The following SMIM36 variants were observed in gnomAD, a reference collection of about 807,000 sequenced individuals.
SMIM36 encodes the protein small integral membrane protein 36.
chr17:55,459,490 C>T (rs528608476), intron 4 of SMIM36, among the ~76,000 whole-genome samples: 65 of 152,184 alleles, frequency 4.3e-4, no homozygotes, highest in Non-Finnish European at 6.9e-4. Flanking sequence ...CTATCCTTGC[C>T]TCAGGGAAGT....
intron 4 of SMIM36, among the ~76,000 whole-genome samples, chr17:55,463,769 C>T (rs1287358802): frequency 1.3e-5 from 2 of 151,678 alleles, no homozygotes; most frequent in African/African-American, 4.8e-5. Context: ...TTTTTTCTCC[C>T]CAAAGTAGGT....
intron 1 of SMIM36, among the ~76,000 whole-genome samples, chr17:55,486,405 G>C (rs1414006927): frequency 2.0e-5 from 3 of 152,142 alleles, no homozygotes; most frequent in Admixed American, 6.6e-5. Flanking sequence ...ACCTTGGCAT[G>C]TTCCTCTCTC....
upstream of SMIM36, among the ~76,000 whole-genome samples, chr17:55,513,474 C>G (rs1011282556): frequency 2.0e-5 from 3 of 152,226 alleles, no homozygotes; most frequent in Non-Finnish European, 2.9e-5. Context: ...TGGAAAGTTT[C>G]TGGTAAGCAC....
chr17:55,509,380 C>T (rs2036670), intron 1 of SMIM36, among the ~76,000 whole-genome samples: 50,841 of 152,138 alleles, frequency 0.33, 10,065 homozygotes, highest in Non-Finnish European at 0.44. Flanking sequence ...TTCCAACATA[C>T]TTTGGTTCTT....
At chr17:55,495,067 T>C (rs144041632) in intron 1 of SMIM36, among the ~76,000 whole-genome samples, 90 of 152,336 alleles carry the variant, frequency 5.9e-4, no homozygotes, top group Non-Finnish European at 1.1e-3. Context: ...TGTGCATTGA[T>C]TGTATCCTTC....
At chr17:55,459,867 T>C (rs1029446667) in intron 4 of SMIM36, among the ~76,000 whole-genome samples, 3 of 151,990 alleles carry the variant, frequency 2.0e-5, no homozygotes, top group African/African-American at 4.8e-5. Context: ...CATGGTGGCA[T>C]GTGCCTATAA....
intron 1 of SMIM36, among the ~76,000 whole-genome samples, chr17:55,486,929 C>G (rs1339262277): frequency 6.6e-6 from 1 of 152,148 alleles, no homozygotes; most frequent in Admixed American, 6.5e-5. Context: ...GATGAATGAA[C>G]TCATTCATTT....
At chr17:55,464,297 G>C (rs1391280517) in intron 4 of SMIM36, among the ~76,000 whole-genome samples, 1 of 152,110 alleles carries the variant, frequency 6.6e-6, no homozygotes, top group East Asian at 1.9e-4. Flanking sequence ...GCCATGTGAT[G>C]GACAGTTAAT....
chr17:55,500,003 G>A (rs1489620439), intron 1 of SMIM36, among the ~76,000 whole-genome samples: 1 of 152,038 alleles, frequency 6.6e-6, no homozygotes, highest in Non-Finnish European at 1.5e-5. Flanking sequence ...CTCAGTTCCT[G>A]GGTTGTTGTT....
intron 4 of SMIM36, among the ~76,000 whole-genome samples, chr17:55,463,756 T>C (rs1047146169): frequency 4.7e-5 from 7 of 150,424 alleles, no homozygotes; most frequent in Admixed American, 4.0e-4. Flanking sequence ...GTAATCTGTG[T>C]TTTTTTTTCT....
chr17:55,530,438 G>A, the SMIM36 span, among the ~76,000 whole-genome samples: 4 of 152,180 alleles, frequency 2.6e-5, no homozygotes, highest in Non-Finnish European at 5.9e-5. Context: ...ACTGGGATGG[G>A]AATCTAAGAG....
intron 1 of SMIM36, among the ~76,000 whole-genome samples, chr17:55,489,652 T>C (rs746238234): frequency 2.0e-5 from 3 of 152,190 alleles, no homozygotes; most frequent in Admixed American, 6.5e-5. Flanking sequence ...CATCTTCCCA[T>C]GGCAGTTCAT....
intron 4 of SMIM36, among the ~76,000 whole-genome samples, chr17:55,462,665 G>T (rs776656509): frequency 1.3e-5 from 2 of 152,090 alleles, no homozygotes; most frequent in Non-Finnish European, 2.9e-5. Flanking sequence ...GGCATGCAGC[G>T]TTGTCATGAG....
chr17:55,521,230 A>C, the SMIM36 span, among the ~76,000 whole-genome samples: 1 of 152,260 alleles, frequency 6.6e-6, no homozygotes, highest in Non-Finnish European at 1.5e-5. Flanking sequence ...GTCTTAAATA[A>C]GGAAAACAAA....
chr17:55,497,226 A>C (rs1258290878), intron 1 of SMIM36, among the ~76,000 whole-genome samples: 2 of 152,018 alleles, frequency 1.3e-5, no homozygotes, highest in South Asian at 2.1e-4. Flanking sequence ...TTTTCTACTA[A>C]GGATTTTTTC....
At chr17:55,526,533 A>G in the SMIM36 span, among the ~76,000 whole-genome samples, 3 of 152,242 alleles carry the variant, frequency 2.0e-5, no homozygotes, top group Non-Finnish European at 2.9e-5. Context: ...TTTGTCCACT[A>G]TAACACAGTG....
intron 1 of SMIM36, among the ~76,000 whole-genome samples, chr17:55,484,867 G>A (rs1321113380): frequency 6.6e-6 from 1 of 152,208 alleles, no homozygotes; most frequent in Non-Finnish European, 1.5e-5. Flanking sequence ...TCAATGGCAT[G>A]AGGCAAAGGC....
the SMIM36 span, among the ~76,000 whole-genome samples, chr17:55,522,977 A>G: frequency 6.6e-6 from 1 of 152,192 alleles, no homozygotes; most frequent in African/African-American, 2.4e-5. Flanking sequence ...AATATTAGGA[A>G]ATAATGGTGA....
At chr17:55,487,862 G>A (rs1909634256) in intron 1 of SMIM36, among the ~76,000 whole-genome samples, 1 of 152,196 alleles carries the variant, frequency 6.6e-6, no homozygotes, top group Non-Finnish European at 1.5e-5. Flanking sequence ...TTGGAGGAGT[G>A]CCGACAGCCT....
Sources: allele counts gnomAD v4.1 joint callset (sites outside exome capture counted in the v4.1 genomes callset), GRCh38; gene constraint gnomAD v4.1.1; transcripts MANE v1.5; gene names NCBI Gene and HGNC (gene_info 2026-07-23, HGNC 2026-07-21).